The following SOX6 variants were observed in gnomAD, a reference collection of about 807,000 sequenced individuals.
The protein encoded by SOX6 is SRY-box transcription factor 6.
SOX6 carries 11 observed loss-of-function variants against 97.8 expected under a neutral mutation model. The observed-to-expected ratio is 0.11, with a 90% CI of 0.07 to 0.19. SOX6 has a LOEUF of 0.19. Among genes scored for constraint, SOX6 ranks in the 10% least tolerant of loss-of-function variants. SOX6 has a pLI of 1.00. For missense variants in SOX6, 810 were observed against 1,039.5 expected (o/e 0.78, Z 3.04); for synonymous variants, 360 against 371.4 (o/e 0.97, Z 0.35).
chr11:16,389,031 G>C (rs1289393947), intron 1 of SOX6, among the ~76,000 whole-genome samples: 1 of 151,844 alleles, frequency 6.6e-6, no homozygotes, highest in Non-Finnish European at 1.5e-5. Context: ...TATCCCTAAT[G>C]CTATATTCAT....
intron 1 of SOX6, among the ~76,000 whole-genome samples, chr11:16,411,330 T>G (rs1193365201): frequency 6.6e-6 from 1 of 152,156 alleles, no homozygotes; most frequent in Non-Finnish European, 1.5e-5. Context: ...CATAAACTAG[T>G]TAGCACCCCA....
At chr11:16,160,266 C>A (rs562521319) in intron 6 of SOX6, among the ~76,000 whole-genome samples, 2 of 152,140 alleles carry the variant, frequency 1.3e-5, no homozygotes, top group African/African-American at 4.8e-5. Flanking sequence ...AAGTCAGTGT[C>A]TAATTTCAAA....
At chr11:16,497,437 C>T (rs1184938528) in intron 4 of SOX6, among the ~76,000 whole-genome samples, 1 of 152,070 alleles carries the variant, frequency 6.6e-6, no homozygotes, top group Non-Finnish European at 1.5e-5. Flanking sequence ...AATGCAGGTC[C>T]TCACCAGCAA....
At chr11:15,988,771 C>T (rs964309737) in intron 14 of SOX6, among the ~76,000 whole-genome samples, 4 of 152,228 alleles carry the variant, frequency 2.6e-5, no homozygotes, top group Non-Finnish European at 5.9e-5. Context: ...CAGTCCTGCC[C>T]TGGCACCTGG....
chr11:16,504,696 G>C (rs1173931687), intron 4 of SOX6, among the ~76,000 whole-genome samples: 2 of 151,900 alleles, frequency 1.3e-5, no homozygotes, highest in African/African-American at 4.8e-5. Flanking sequence ...AAAATCTCAT[G>C]TTGAATCCTA....
At chr11:16,406,971 T>G (rs1208923680) in intron 1 of SOX6, among the ~76,000 whole-genome samples, 1 of 152,150 alleles carries the variant, frequency 6.6e-6, no homozygotes, top group African/African-American at 2.4e-5. Context: ...AAATTACAGC[T>G]ATTAAGCTGA....
At chr11:16,655,572 C>T (rs1019974900) in intron 3 of SOX6, among the ~76,000 whole-genome samples, 1 of 152,182 alleles carries the variant, frequency 6.6e-6, no homozygotes, top group African/African-American at 2.4e-5. Context: ...TCAAAGTATA[C>T]TTTTGATATG....
intron 4 of SOX6, among the ~76,000 whole-genome samples, chr11:16,547,884 T>C (rs1167668635): frequency 1.3e-5 from 2 of 152,134 alleles, no homozygotes; most frequent in Non-Finnish European, 2.9e-5. Context: ...AAATATCACA[T>C]GGTACCCCAT....
chr11:16,318,234 A>G (rs1855808786), intron 3 of SOX6: 1 of 586,322 alleles, frequency 1.7e-6, no homozygotes, highest in Non-Finnish European at 3.0e-6. Flanking sequence ...ACCAAATAAA[A>G]TGCACAAAGT....
In SOX6 at chr11:16,605,152, G is replaced by A. The variant is rs1565191386; in HGVS notation, n.609+6929C>T. 6.6e-6 allele frequency among the ~76,000 whole-genome samples: 1 copy of A among 151,968 alleles called. No homozygotes were observed. Among genetic ancestry groups the A allele is most frequent in the Non-Finnish European group, 1.5e-5 (1 of 67,952 alleles). On this transcript the variant is annotated intron_variant and non_coding_transcript_variant, in intron 4 of 5. Coordinates refer to the SOX6 transcript ENST00000524520. The surrounding 1 kb of genome is among the most constrained non-coding windows in gnomAD (Gnocchi z 5.3). ...CCGAGCCCGGGAGCAGCGGACCGCG[G>A]CCCCGGCTGCAGAGGAACGGCGGGT...
chr11:16,159,550 T>TA (rs1850688694), intron 6 of SOX6, among the ~76,000 whole-genome samples: 1 of 150,594 alleles, frequency 6.6e-6, no homozygotes, highest in Non-Finnish European at 1.5e-5. Context: ...AAAAATAAGG[T>TA]AAAAAGACCT....
intron 3 of SOX6, among the ~76,000 whole-genome samples, chr11:16,678,109 C>T (rs1332668871): frequency 1.3e-5 from 2 of 152,070 alleles, no homozygotes; most frequent in African/African-American, 2.4e-5. Flanking sequence ...TTTGATTTCA[C>T]TGATTTTTTC....
At chr11:16,449,508 G>T (rs967394953) in intron 1 of SOX6, among the ~76,000 whole-genome samples, 2 of 151,956 alleles carry the variant, frequency 1.3e-5, no homozygotes, top group African/African-American at 4.8e-5. Flanking sequence ...TAGCCAGGAT[G>T]GTCTCGATCT....
intron 4 of SOX6, among the ~76,000 whole-genome samples, chr11:16,206,464 G>A (rs1380736996): frequency 6.6e-6 from 1 of 152,128 alleles, no homozygotes; most frequent in Non-Finnish European, 1.5e-5. Context: ...GAAGAAGTAT[G>A]GTGAAGTGTT....
intron 13 of SOX6, among the ~76,000 whole-genome samples, chr11:15,998,769 C>T (rs765204881): frequency 2.0e-5 from 3 of 151,932 alleles, no homozygotes; most frequent in Non-Finnish European, 4.4e-5. Context: ...ACATTATATA[C>T]AACAATTAGA....
intron 12 of SOX6, among the ~76,000 whole-genome samples, chr11:16,040,412 G>A (rs371547143): frequency 6.6e-6 from 1 of 151,970 alleles, no homozygotes; most frequent in Non-Finnish European, 1.5e-5. Context: ...ATTCAGCCAG[G>A]AGCCTACATA....
At chr11:16,494,323 C>A (rs1450989431) in intron 4 of SOX6, among the ~76,000 whole-genome samples, 1 of 152,112 alleles carries the variant, frequency 6.6e-6, no homozygotes, top group Non-Finnish European at 1.5e-5. Context: ...TTGCAGTGAG[C>A]TGAGATCCCG....
intron 3 of SOX6, among the ~76,000 whole-genome samples, chr11:16,620,222 G>A (rs1300702319): frequency 6.6e-6 from 1 of 152,084 alleles, no homozygotes; most frequent in Non-Finnish European, 1.5e-5. Flanking sequence ...AATCTCTTAA[G>A]TCTAAATTTT....
At chr11:16,520,560 G>A (rs12270317) in intron 4 of SOX6, among the ~76,000 whole-genome samples, 37,531 of 152,202 alleles carry the variant, frequency 0.25, 5,138 homozygotes, top group East Asian at 0.48. Flanking sequence ...CGTAGAAGAC[G>A]GGTGATTTCT....
Sources: gnomAD v4.1 joint callset for allele counts (sites outside exome capture counted in the v4.1 genomes callset) on GRCh38, gnomAD v4.1.1 for gene constraint, Gnocchi (gnomAD v3.1) non-coding constraint, MANE v1.5 for transcripts, NCBI Gene and HGNC (gene_info 2026-07-23, HGNC 2026-07-21) for gene names.